Variants in ASCC1 observed in about 807,000 individuals in gnomAD.
ASCC1 encodes ASC-1 complex subunit P50.
In ASCC1, 35 loss-of-function variants were observed where a neutral mutation model predicts 46.6. The ratio of observed to expected loss-of-function variants is 0.75; its 90% CI spans 0.57 to 0.99. The LOEUF (loss-of-function observed/expected upper bound fraction) is 0.99, where lower values mean the gene tolerates loss of function less well. Among genes scored for constraint, ASCC1 ranks in the 50% least tolerant of loss-of-function variants. The probability of loss-of-function intolerance (pLI) is 0.00; values close to 1 mark genes in which losing one functional copy is unlikely to be tolerated. For missense variants in ASCC1, 376 were observed against 428.7 expected, an observed-to-expected ratio of 0.88 and a Z score of 1.09; for synonymous variants, 143 against 146.6, an observed-to-expected ratio of 0.98 and a Z score of 0.18.
intron 7 of ASCC1, among the ~76,000 whole-genome samples, chr10:72,150,415 T>G (rs1848191924): frequency 6.6e-6 from 1 of 152,176 alleles, no homozygotes; most frequent in Middle Eastern, 3.2e-3. Flanking sequence ...TCTAGAAGGT[T>G]TCTGGCTCAG....
chr10:72,136,752 C>T (rs1007220802), intron 7 of ASCC1, among the ~76,000 whole-genome samples: 4 of 152,012 alleles, frequency 2.6e-5, no homozygotes, highest in South Asian at 4.1e-4. Flanking sequence ...TCTAACACAA[C>T]GAGGGTCTGC....
rs530614428 is a variant in ASCC1, at chr10:72,144,319, C to T, written c.746+8550G>A. 7.2e-5 allele frequency among the ~76,000 whole-genome samples: 11 copies of T among 152,260 alleles called. No homozygotes were observed. The East Asian group carries it at 1.2e-3, about 16-fold the overall frequency. ...ATCATGTCTGATATTAATTCAGTTA[C>T]GCCAACTTTCTTTTGGTGTTTGCCT... is the stretch of plus-strand genomic sequence containing the variant. On this transcript the variant is annotated intron_variant, in intron 7 of 9. Coordinates refer to ENST00000672957, the MANE Select transcript of ASCC1 (RefSeq NM_001198800.3).
At chr10:72,183,726 T>C (rs1852997467) in intron 5 of ASCC1, among the ~76,000 whole-genome samples, 1 of 152,066 alleles carries the variant, frequency 6.6e-6, no homozygotes, top group African/African-American at 2.4e-5. Flanking sequence ...ATGTTCACAG[T>C]CCTAGAAGAA....
At chr10:72,189,764 T>C (rs1306294882) in intron 5 of ASCC1, among the ~76,000 whole-genome samples, 1 of 135,308 alleles carries the variant, frequency 7.4e-6, no homozygotes, top group African/African-American at 3.0e-5. Context: ...ATCGCACCAC[T>C]GCATTCCTGC....
intron 5 of ASCC1, among the ~76,000 whole-genome samples, chr10:72,195,286 C>T (rs543527690): frequency 1.3e-5 from 2 of 151,524 alleles, no homozygotes; most frequent in South Asian, 4.2e-4. Flanking sequence ...ACTGTGACTA[C>T]AAGCACACAC....
intron 9 of ASCC1, among the ~76,000 whole-genome samples, chr10:72,102,090 CAT>C (rs1382009980): frequency 2.0e-5 from 3 of 152,060 alleles, no homozygotes; most frequent in African/African-American, 4.8e-5. Context: ...CCCCGTGACA[CAT>C]GTTTACCTGT....
chr10:72,196,129 A>G lies in ASCC1; in HGVS notation c.489+682T>C, dbSNP rs1855382787. ...ACTGTTATCTAAGTATGGCAATTCT[A>G]CATGCAAATTTGTCTTTTAGTTACT... On this transcript the variant is annotated intron_variant, in intron 5 of 9. Transcript: ENST00000672957. Among the ~76,000 whole-genome samples, 4 of 152,256 alleles carry G rather than the reference A, an allele frequency of 2.6e-5. No homozygotes were observed. The South Asian group carries it at 8.3e-4, about 32-fold the overall frequency.
chr10:72,205,555 G>A (rs1020619014), intron 3 of ASCC1, among the ~76,000 whole-genome samples: 9 of 151,110 alleles, frequency 6.0e-5, no homozygotes, highest in African/African-American at 9.7e-5. Context: ...GCTTGAACTC[G>A]GGAGGCAGAG....
Position 72,213,179 on chromosome 10 carries a change from A to G in ASCC1, c.112+8T>C, listed in dbSNP as rs1373729158. On this transcript the variant is annotated splice_region_variant and intron_variant, in intron 2 of 9. Coordinates refer to ENST00000672957, the MANE Select transcript of ASCC1 (RefSeq NM_001198800.3). ...CTTCTTATCTGACCAAAGAGCAACT[A>G]GGATTACCTTGATAGAAGTCCTCTT... 1.3e-6 allele frequency: 2 copies of G among 1,583,106 alleles called. No homozygotes were observed. The highest frequency in any genetic ancestry group is 2.7e-5 in the African/African-American group (2 of 74,102).
intron 2 of ASCC1, 43 bp from the exon 3 acceptor site, chr10:72,210,874 C>T: frequency 6.3e-7 from 1 of 1,589,140 alleles, no homozygotes; most frequent in Non-Finnish European, 8.6e-7. Flanking sequence ...CAATGTTGCT[C>T]TGTGGACAAC....
intron 4 of ASCC1, among the ~76,000 whole-genome samples, chr10:72,202,383 G>A (rs1028390424): frequency 6.6e-6 from 1 of 151,672 alleles, no homozygotes; most frequent in Non-Finnish European, 1.5e-5. Context: ...CAGGAGAATC[G>A]CTTGAACCTG....
chr10:72,183,034 CA>C (rs1231958760), intron 5 of ASCC1, among the ~76,000 whole-genome samples: 3 of 148,256 alleles, frequency 2.0e-5, no homozygotes, highest in Non-Finnish European at 4.5e-5. Context: ...ATAAGAATGA[CA>C]AAAAATTTCT....
At chr10:72,200,231 G>C (rs1451358343) in intron 4 of ASCC1, among the ~76,000 whole-genome samples, 1 of 152,066 alleles carries the variant, frequency 6.6e-6, no homozygotes, top group Non-Finnish European at 1.5e-5. Flanking sequence ...AAAAAATGGG[G>C]AACATATAAC....
chr10:72,158,967 C>T (rs1004308618), intron 6 of ASCC1: 5 of 152,106 alleles, frequency 3.3e-5, no homozygotes, highest in African/African-American at 1.2e-4. Flanking sequence ...CAGAAGTACC[C>T]TTTTTGTTTT....
intron 5 of ASCC1, among the ~76,000 whole-genome samples, chr10:72,163,253 C>T (rs1849919709): frequency 6.6e-6 from 1 of 152,108 alleles, no homozygotes; most frequent in African/African-American, 2.4e-5. Flanking sequence ...CATGACCCAG[C>T]AATTCTACTC....
chr10:72,106,881 C>T (rs1488559735), intron 9 of ASCC1, among the ~76,000 whole-genome samples: 3 of 152,102 alleles, frequency 2.0e-5, no homozygotes, highest in Non-Finnish European at 1.5e-5. Flanking sequence ...AGTGGAAGGC[C>T]ACGTCCACAA....
At chr10:72,201,686 C>T (rs1357423865) in intron 4 of ASCC1, among the ~76,000 whole-genome samples, 3 of 152,066 alleles carry the variant, frequency 2.0e-5, no homozygotes, top group African/African-American at 7.2e-5. Flanking sequence ...GCCTGTAACC[C>T]CAACACTTTG....
At chr10:72,190,344 A>G in intron 5 of ASCC1, 2 of 1,228,154 alleles carry the variant, frequency 1.6e-6, no homozygotes, top group South Asian at 2.4e-5. Flanking sequence ...TCCACATACA[A>G]ATTTTTTGAG....
chr10:72,212,082 G>A (rs556536960), intron 2 of ASCC1: 3 of 153,710 alleles, frequency 2.0e-5, no homozygotes, highest in African/African-American at 7.2e-5. Context: ...TACTGGGGAA[G>A]CTGAGGCAGG....
Sources: allele counts gnomAD v4.1 joint callset (sites outside exome capture counted in the v4.1 genomes callset), GRCh38; gene constraint gnomAD v4.1.1; transcripts MANE v1.5; gene names NCBI Gene and HGNC (gene_info 2026-07-23, HGNC 2026-07-21).